The following ARMC2 variants were observed in gnomAD, a reference collection of about 807,000 sequenced individuals.
ARMC2 encodes the protein armadillo repeat containing 2.
Under a neutral mutation model 90.3 loss-of-function variants are expected in ARMC2, and 67 were observed. That is an observed-to-expected ratio of 0.74 (90% CI 0.61 to 0.91). ARMC2 has a LOEUF of 0.91. Ranked by LOEUF, ARMC2 falls within the 40% of genes least tolerant of loss-of-function variation. ARMC2 has a pLI of 0.00. For synonymous variants in ARMC2, 393 were observed against 393.0 expected, an observed-to-expected ratio of 1.00 and a Z score of 0.00; for missense variants, 920 against 1,030.9, an observed-to-expected ratio of 0.89 and a Z score of 1.47.
chr6:108,904,133 A>G, intron 7 of ARMC2, 97 bp from the exon 8 acceptor site: 2 of 1,371,306 alleles, frequency 1.5e-6, no homozygotes. Flanking sequence ...ATCCAAGGAA[A>G]TAATTATGGG....
chr6:108,879,982 C>T (rs776656045), intron 5 of ARMC2: 22 of 467,886 alleles, frequency 4.7e-5, no homozygotes, highest in Middle Eastern at 3.3e-4. Flanking sequence ...TACTAATAAA[C>T]TATCGAGTGC....
chr6:108,899,447 A>G (rs1428542682), intron 6 of ARMC2, among the ~76,000 whole-genome samples: 1 of 152,212 alleles, frequency 6.6e-6, no homozygotes, highest in Non-Finnish European at 1.5e-5. Context: ...AAAGCTTACT[A>G]CTTTATGAAG....
At chr6:109,022,114 T>C in the ARMC2 span, among the ~76,000 whole-genome samples, 3 of 152,130 alleles carry the variant, frequency 2.0e-5, no homozygotes, top group Non-Finnish European at 4.4e-5. Context: ...TCCTTTCTCC[T>C]TTCTTCTTTT....
chr6:108,936,467 G>C (rs913846702), intron 11 of ARMC2, among the ~76,000 whole-genome samples: 1 of 152,112 alleles, frequency 6.6e-6, no homozygotes, highest in African/African-American at 2.4e-5. Flanking sequence ...TGTTGGCCAG[G>C]CTCGTCTTGA....
chr6:108,912,375 T>G lies in ARMC2; in HGVS notation c.1167T>G (p.Thr389=). 6.2e-7 allele frequency: 1 copy of G among 1,611,688 alleles called. No individual in the cohort carries two copies. The highest frequency in any genetic ancestry group is 1.1e-5 in the South Asian group (1 of 90,088). Residue 389 remains threonine (T), a synonymous_variant, in exon 10 of 18, where the codon ACT becomes ACG. Coordinates refer to ENST00000392644, the MANE Select transcript of ARMC2 (RefSeq NM_032131.6). The part of the protein sequence containing the change: ...LEVLRSEDLQ[T]NMEAFLYCMG... ...TACTAAGAAGTGAAGACCTGCAAAC[T>G]AACATGGAAGCTTTTTTATACTGTA...
At chr6:108,930,781 G>C (rs1043316794) in intron 11 of ARMC2, among the ~76,000 whole-genome samples, 4 of 151,704 alleles carry the variant, frequency 2.6e-5, no homozygotes, top group African/African-American at 9.7e-5. Flanking sequence ...ATTTTTAGTA[G>C]AGACGGGGTT....
At chr6:109,012,623 A>T in the ARMC2 span, among the ~76,000 whole-genome samples, 7,048 of 152,272 alleles carry the variant, frequency 0.046, 299 homozygotes, top group African/African-American at 0.11. Flanking sequence ...GCTACAGCTT[A>T]GAGTATTAGT....
chr6:109,025,728 AAATT>A, the ARMC2 span, among the ~76,000 whole-genome samples: 10 of 152,236 alleles, frequency 6.6e-5, no homozygotes, highest in East Asian at 1.2e-3. Flanking sequence ...GTATAGCTGA[AAATT>A]ATTAGTAAAC....
chr6:108,849,161 A>T (rs1773749910), intron 1 of ARMC2, among the ~76,000 whole-genome samples: 1 of 152,180 alleles, frequency 6.6e-6, no homozygotes, highest in African/African-American at 2.4e-5. Flanking sequence ...AAAATCATGG[A>T]GTGTATACAT....
intron 10 of ARMC2, among the ~76,000 whole-genome samples, chr6:108,919,217 G>A (rs186302266): frequency 5.3e-5 from 8 of 152,290 alleles, no homozygotes; most frequent in East Asian, 1.9e-4. Flanking sequence ...CAGGCTGGCC[G>A]GGGTCTTTTA....
intron 12 of ARMC2, among the ~76,000 whole-genome samples, chr6:108,946,012 G>T (rs1776777922): frequency 6.6e-6 from 1 of 152,244 alleles, no homozygotes; most frequent in Non-Finnish European, 1.5e-5. Flanking sequence ...AGCGGGTGCT[G>T]AGAGCATTTG....
At chr6:109,020,506 A>G in the ARMC2 span, among the ~76,000 whole-genome samples, 3 of 152,346 alleles carry the variant, frequency 2.0e-5, no homozygotes, top group South Asian at 6.2e-4. Flanking sequence ...ATACTAGTAA[A>G]AACAACCATA....
Position 108,876,127 on chromosome 6 carries a change from C to A in ARMC2, c.464-16C>A. 4 of 1,571,770 alleles carry A rather than the reference C, an allele frequency of 2.5e-6. No homozygotes were observed. The highest frequency in any genetic ancestry group is 1.2e-5 in the South Asian group (1 of 85,032). On this transcript the variant is annotated splice_polypyrimidine_tract_variant and intron_variant, in intron 4 of 17. Coordinates refer to ENST00000392644, the MANE Select transcript of ARMC2 (RefSeq NM_032131.6). ...TAAGAATACTTCAACAAAATATTTT[C>A]TTGGTTATATTGCAGCAAAGAAGAC...
chr6:109,015,162 C>T, the ARMC2 span, among the ~76,000 whole-genome samples: 2 of 152,134 alleles, frequency 1.3e-5, no homozygotes, highest in Non-Finnish European at 2.9e-5. Flanking sequence ...GCCACAAAAC[C>T]TGCCTGTTTA....
At chr6:108,894,677 T>G in intron 6 of ARMC2, 134 bp downstream of exon 6, 1 of 673,384 alleles carries the variant, frequency 1.5e-6, no homozygotes, top group Non-Finnish European at 2.3e-6. Flanking sequence ...ACATTTATTT[T>G]TATACATTTT....
chr6:109,018,045 A>AAAC, the ARMC2 span, among the ~76,000 whole-genome samples: 5 of 152,136 alleles, frequency 3.3e-5, no homozygotes, highest in Non-Finnish European at 7.4e-5. Context: ...CAAAAATATA[A>AAAC]TTCCTGATTT....
chr6:108,984,050 C>A, the ARMC2 span, among the ~76,000 whole-genome samples: 2 of 152,126 alleles, frequency 1.3e-5, no homozygotes, highest in Non-Finnish European at 2.9e-5. Context: ...GGAGCTTGAC[C>A]CTATTGTGAA....
At position 108,931,190 on chromosome 6, in the gene ARMC2, C is replaced by T. The variant is rs1268953651; in HGVS notation, c.1496+2957C>T. Among the ~76,000 whole-genome samples the T allele has an allele frequency of 2.6e-4, 39 of 151,768 alleles. 1 individual carries two copies. The highest frequency in any genetic ancestry group is 2.6e-3 in the Admixed American group (39 of 15,266). On this transcript the variant is annotated intron_variant, in intron 11 of 17. Transcript: ENST00000392644. ...ACATGTGGTATTTGGTTTTATTTTC[C>T]TGCGCTAGTTTGCTGAGCTAATGGC...
chr6:108,869,562 A>AT (rs1408459240), intron 4 of ARMC2, among the ~76,000 whole-genome samples: 1 of 152,238 alleles, frequency 6.6e-6, no homozygotes, highest in Non-Finnish European at 1.5e-5. Flanking sequence ...TGGTTCATGT[A>AT]TATTAGAAAT....
Sources: gnomAD v4.1 joint callset for allele counts (sites outside exome capture counted in the v4.1 genomes callset) on GRCh38, gnomAD v4.1.1 for gene constraint, MANE v1.5 for transcripts, NCBI Gene and HGNC (gene_info 2026-07-23, HGNC 2026-07-21) for gene names.